FHL2: variants seen among roughly 807,000 people sequenced by gnomAD.
FHL2 encodes four and a half LIM domains 2, also known as four and a half LIM domains protein 2.
A neutral mutation model predicts 32.7 loss-of-function variants in FHL2; 20 were observed. That is an observed-to-expected ratio of 0.61 (90% CI 0.43 to 0.89). The LOEUF (loss-of-function observed/expected upper bound fraction) is 0.89. Among genes scored for constraint, FHL2 ranks in the 40% least tolerant of loss-of-function variants. The probability of loss-of-function intolerance (pLI) is 0.00; values close to 1 mark genes in which losing one functional copy is unlikely to be tolerated. For missense variants in FHL2, 311 were observed against 358.6 expected, an observed-to-expected ratio of 0.87 and a Z score of 1.07; for synonymous variants, 123 against 128.1, an observed-to-expected ratio of 0.96 and a Z score of 0.27.
chr2:105,391,487 G>A (rs1682731264), intron 2 of FHL2, among the ~76,000 whole-genome samples: 1 of 152,136 alleles, frequency 6.6e-6, no homozygotes, highest in African/African-American at 2.4e-5. Flanking sequence ...AGAGACATGA[G>A]AGACAGAGTA....
intron 3 of FHL2, among the ~76,000 whole-genome samples, chr2:105,383,994 G>T (rs1164968952): frequency 1.3e-5 from 2 of 152,148 alleles, no homozygotes; most frequent in Non-Finnish European, 2.9e-5. Context: ...GGCTCCATTT[G>T]GGAGACTCTT....
chr2:105,405,542 G>T (rs779841624), intron 1 of FHL2, among the ~76,000 whole-genome samples: 1 of 152,198 alleles, frequency 6.6e-6, no homozygotes, highest in Non-Finnish European at 1.5e-5. Flanking sequence ...CTCCCAAAGT[G>T]CTAGGATTAC....
At position 105,425,583 on chromosome 2, in the gene FHL2, G is replaced by A. The variant is rs1193186821; in HGVS notation, c.-25+12816C>T. Among the ~76,000 whole-genome samples the A allele has an allele frequency of 2.0e-5, 3 of 151,922 alleles. No homozygotes were observed. In the East Asian group the frequency reaches 5.8e-4, roughly 30 times the overall value. On this transcript the variant is annotated intron_variant, in intron 1 of 5. Transcript: ENST00000393352. ...GCCCCTGGGAACTGAATGTCTCGGT[G>A]TAAAACCCGATTGTACATTTGTTCA... is the stretch of plus-strand genomic sequence containing the variant.
At chr2:105,381,832 A>G (rs1210617987) in intron 3 of FHL2, among the ~76,000 whole-genome samples, 2 of 152,154 alleles carry the variant, frequency 1.3e-5, no homozygotes, top group Admixed American at 1.3e-4. Context: ...AAAAAGCACC[A>G]GGTTGGCAGG....
exon 1 of FHL2, chr2:105,438,453 G>A: frequency 1.5e-5 from 15 of 985,624 alleles, no homozygotes; most frequent in Non-Finnish European, 1.8e-5. Flanking sequence ...AGGGACAGCT[G>A]CTGTGCAGGC....
chr2:105,367,069 C>T (rs966092349), intron 5 of FHL2, among the ~76,000 whole-genome samples: 3 of 152,212 alleles, frequency 2.0e-5, no homozygotes, highest in African/African-American at 7.2e-5. Flanking sequence ...CCTCCATGCC[C>T]GGCCAGAGTA....
intron 1 of FHL2, among the ~76,000 whole-genome samples, chr2:105,432,211 AG>A (rs1303251226): frequency 6.6e-6 from 1 of 152,200 alleles, no homozygotes; most frequent in Non-Finnish European, 1.5e-5. Context: ...GGTTCATTTG[AG>A]TCCCAACACA....
At chr2:105,421,714 T>C (rs1684107496) in intron 1 of FHL2, among the ~76,000 whole-genome samples, 1 of 152,220 alleles carries the variant, frequency 6.6e-6, no homozygotes, top group Non-Finnish European at 1.5e-5. Flanking sequence ...TCAGTTATAC[T>C]ATGGCTTGCA....
chr2:105,376,864 A>G (rs1363455880), intron 3 of FHL2: 1 of 152,278 alleles, frequency 6.6e-6, no homozygotes, highest in Non-Finnish European at 1.5e-5. Flanking sequence ...CTCATGCTAC[A>G]GCATGGATGA....
At chr2:105,397,179 G>A (rs1020058061) in intron 1 of FHL2, among the ~76,000 whole-genome samples, 2 of 152,016 alleles carry the variant, frequency 1.3e-5, no homozygotes, top group African/African-American at 4.8e-5. Flanking sequence ...ATATTCAAAT[G>A]TTCCTCCCGT....
chr2:105,387,583 C>T (rs1176777750), intron 2 of FHL2, among the ~76,000 whole-genome samples: 1 of 152,192 alleles, frequency 6.6e-6, no homozygotes, highest in Non-Finnish European at 1.5e-5. Context: ...CTGGGCAACA[C>T]CTCAAGCCCT....
chr2:105,409,445 T>C (rs556679150), intron 1 of FHL2, among the ~76,000 whole-genome samples: 2 of 152,144 alleles, frequency 1.3e-5, no homozygotes, highest in African/African-American at 2.4e-5. Flanking sequence ...CCCAGCAAGA[T>C]AGCCAGATAG....
Position 105,398,980 on chromosome 2 carries a change from C to A in FHL2, c.-214G>T, listed in dbSNP as rs1305264912. The A allele has an allele frequency of 1.3e-6, 2 of 1,514,300 alleles. No homozygotes were observed. The highest frequency in any genetic ancestry group is 1.4e-5 in the African/African-American group (1 of 69,320). 93.8% of individuals were successfully genotyped at this position (1,514,300 alleles called of 1,614,324 possible). The stretch of plus-strand genomic sequence containing the variant: ...GTTGGAGGTACTCACGGCACCGCAG[C>A]GGGCCGGGGACTCCCGGACGGGGCT... On this transcript the variant is annotated 5_prime_UTR_variant, in exon 1 of 7. Transcript: ENST00000530340.
intron 1 of FHL2, among the ~76,000 whole-genome samples, chr2:105,423,102 C>G (rs1684155244): frequency 1.3e-5 from 2 of 152,184 alleles, no homozygotes; most frequent in Non-Finnish European, 2.9e-5. Context: ...GGCAGCTCTT[C>G]CATTCCTCTC....
At chr2:105,429,156 A>G (rs7594621) in intron 1 of FHL2, among the ~76,000 whole-genome samples, 32,392 of 152,112 alleles carry the variant, frequency 0.21, 3,547 homozygotes, top group South Asian at 0.27. Context: ...CACTGCCACA[A>G]GGGGGAAAAA....
At chr2:105,402,108 C>T (rs183664241), upstream of FHL2, among the ~76,000 whole-genome samples, 1,463 of 143,920 alleles carry the variant, frequency 0.01, 18 homozygotes, top group African/African-American at 0.037. Context: ...TATATATACA[C>T]GTATATATAC....
chr2:105,389,717 C>T (rs1272639317), intron 2 of FHL2, among the ~76,000 whole-genome samples: 2 of 152,160 alleles, frequency 1.3e-5, no homozygotes, highest in Non-Finnish European at 2.9e-5. Context: ...CTTGAAAGGC[C>T]GTCTGTGTGG....
At chr2:105,399,325 G>A, upstream of FHL2, 1 of 1,535,848 alleles carries the variant, frequency 6.5e-7, no homozygotes. Flanking sequence ...GCGAGTTTCG[G>A]ACGAGGCCTG....
At chr2:105,371,942 C>T (rs1681108297) in intron 4 of FHL2, among the ~76,000 whole-genome samples, 1 of 152,014 alleles carries the variant, frequency 6.6e-6, no homozygotes, top group Non-Finnish European at 1.5e-5. Flanking sequence ...CACTGGGGCC[C>T]GAGTTTCCAG....
Sources: gnomAD v4.1 joint callset for allele counts (sites outside exome capture counted in the v4.1 genomes callset) on GRCh38, gnomAD v4.1.1 for gene constraint, MANE v1.5 for transcripts, NCBI Gene and HGNC (gene_info 2026-07-23, HGNC 2026-07-21) for gene names.